Variants in HNF4G observed in about 807,000 individuals in gnomAD.
The protein encoded by HNF4G is hepatocyte nuclear factor 4-gamma.
HNF4G carries 21 observed loss-of-function variants against 50.9 expected under a neutral mutation model. The ratio of observed to expected loss-of-function variants is 0.41; its 90% CI spans 0.29 to 0.59. The LOEUF is 0.59. Ranked by LOEUF, HNF4G falls within the 20% of genes least tolerant of loss-of-function variation. The probability of loss-of-function intolerance (pLI) is 0.26; values close to 1 mark genes in which losing one functional copy is unlikely to be tolerated. For missense variants in HNF4G, 527 were observed against 559.4 expected, an observed-to-expected ratio of 0.94 and a Z score of 0.58; for synonymous variants, 198 against 185.6, an observed-to-expected ratio of 1.07 and a Z score of -0.54.
chr8:75,538,226 C>T (rs1033667232), upstream of HNF4G, among the ~76,000 whole-genome samples: 1 of 152,150 alleles, frequency 6.6e-6, no homozygotes, highest in Non-Finnish European at 1.5e-5. Flanking sequence ...TGATTAGTTG[C>T]TAATTGCTAC....
chr8:75,517,452 C>G (rs1197247576), intron 2 of HNF4G, among the ~76,000 whole-genome samples: 1 of 152,132 alleles, frequency 6.6e-6, no homozygotes, highest in Non-Finnish European at 1.5e-5. Flanking sequence ...TAGTTACTTC[C>G]AACATACGAT....
rs999315546 is a variant in HNF4G, at chr8:75,565,870, G to A, written c.*1774G>A. 1 of 152,072 alleles carries A rather than the reference G, an allele frequency of 6.6e-6. No homozygotes were observed. Among genetic ancestry groups the A allele is most frequent in the East Asian group, 1.9e-4 (1 of 5,172 alleles). The allele number at this position is 152,072 out of a possible 1,614,324, so 9.4% of individuals were successfully genotyped here. A position where few individuals can be genotyped will look rare whatever the true frequency, so the allele number is the denominator to read the frequency against. On this transcript the variant is annotated 3_prime_UTR_variant, in exon 10 of 10. Transcript: ENST00000396423. ...TTTAATAAAATTCCTTCACGACCTG[G>A]TACCCTTGTGAAACTGTAAAATATA...
At chr8:75,458,361 T>A (rs966197168) in intron 1 of HNF4G, among the ~76,000 whole-genome samples, 4 of 143,644 alleles carry the variant, frequency 2.8e-5, no homozygotes, top group East Asian at 2.0e-4. Flanking sequence ...TTATGTTTAA[T>A]GGTCTAACTT....
In HNF4G at chr8:75,558,868, G is replaced by A. The variant is rs146622279; in HGVS notation, c.954G>A (p.Glu318=). The A allele has an allele frequency of 1.2e-6, 2 of 1,614,108 alleles. No individual in the cohort carries two copies. Among genetic ancestry groups the A allele is most frequent in the Non-Finnish European group, 1.7e-6 (2 of 1,180,006 alleles). ...NMRFQVQIGL[E]DYINDRQYDS... ...GGTTCCAAGTGCAGATCGGTTTGGAGGACTACATCAATGATCGGCAGTATG... is the reference window on the plus strand; with the variant it reads ...GGTTCCAAGTGCAGATCGGTTTGGAAGACTACATCAATGATCGGCAGTATG... Residue 318 remains glutamate (E), a synonymous_variant, in exon 8 of 10, where the codon GAG becomes GAA. Coordinates refer to ENST00000396423, the MANE Select transcript of HNF4G (RefSeq NM_004133.5).
At chr8:75,531,469 C>G (rs1339096891) in intron 2 of HNF4G, among the ~76,000 whole-genome samples, 1 of 152,040 alleles carries the variant, frequency 6.6e-6, no homozygotes, top group Admixed American at 6.6e-5. Context: ...TTTCCACTAT[C>G]TAAGTATTTT....
At chr8:75,434,099 G>A (rs1811080861) in intron 1 of HNF4G, among the ~76,000 whole-genome samples, 1 of 150,178 alleles carries the variant, frequency 6.7e-6, no homozygotes, top group Non-Finnish European at 1.5e-5. Context: ...CGCTTCCCAG[G>A]TTCAAGTGAT....
intron 2 of HNF4G, among the ~76,000 whole-genome samples, chr8:75,530,516 G>C (rs186457342): frequency 8.6e-4 from 130 of 152,002 alleles, no homozygotes; most frequent in Non-Finnish European, 1.5e-3. Context: ...CTGACATTTA[G>C]GCAGAATTTC....
intron 2 of HNF4G, among the ~76,000 whole-genome samples, chr8:75,528,779 TAC>T (rs1388326198): frequency 1.6e-5 from 2 of 126,798 alleles, no homozygotes; most frequent in Non-Finnish European, 3.3e-5. Context: ...CCTAAACTTC[TAC>T]TTTTTTCATG....
chr8:75,435,654 C>T (rs1811117766), intron 1 of HNF4G, among the ~76,000 whole-genome samples: 1 of 152,174 alleles, frequency 6.6e-6, no homozygotes, highest in Non-Finnish European at 1.5e-5. Context: ...AGTGCAGTGG[C>T]ATGATCTGGG....
chr8:75,458,445 C>T (rs757112541), intron 1 of HNF4G, among the ~76,000 whole-genome samples: 1 of 144,766 alleles, frequency 6.9e-6, no homozygotes, highest in African/African-American at 2.6e-5. Flanking sequence ...GATAAAGACA[C>T]ACTCAGACTG....
At chr8:75,552,604 C>T (rs983459149) in intron 4 of HNF4G, among the ~76,000 whole-genome samples, 1 of 151,986 alleles carries the variant, frequency 6.6e-6, no homozygotes, top group Non-Finnish European at 1.5e-5. Context: ...ACTGGGTAAA[C>T]GTTATGAAAA....
intron 1 of HNF4G, among the ~76,000 whole-genome samples, chr8:75,424,100 C>CG (rs1351324132): frequency 1.3e-5 from 2 of 151,954 alleles, no homozygotes; most frequent in East Asian, 3.9e-4. Flanking sequence ...AGATTACAGG[C>CG]GTGAGCCACC....
At chr8:75,512,361 A>C (rs1282372231) in intron 2 of HNF4G, among the ~76,000 whole-genome samples, 1 of 151,444 alleles carries the variant, frequency 6.6e-6, no homozygotes, top group East Asian at 1.9e-4. Context: ...CAGTTTGCTA[A>C]GTTTTTATAG....
intron 2 of HNF4G, among the ~76,000 whole-genome samples, chr8:75,492,247 T>C (rs73690922): frequency 6.6e-6 from 1 of 152,188 alleles, no homozygotes; most frequent in Non-Finnish European, 1.5e-5. Context: ...TACTACCTAC[T>C]TGTTTCCTCC....
chr8:75,480,832 TC>T (rs1812360313), intron 1 of HNF4G, among the ~76,000 whole-genome samples: 1 of 150,628 alleles, frequency 6.6e-6, no homozygotes, highest in Admixed American at 6.7e-5. Context: ...TGCCTCAGCC[TC>T]CCGAGTAACC....
At chr8:75,497,037 G>T (rs1812787933) in intron 2 of HNF4G, among the ~76,000 whole-genome samples, 1 of 151,208 alleles carries the variant, frequency 6.6e-6, no homozygotes, top group Non-Finnish European at 1.5e-5. Flanking sequence ...TTGAGTAGGG[G>T]CTACAGCCCT....
chr8:75,547,638 T>C lies in HNF4G; in HGVS notation c.339T>C (p.Tyr113=), dbSNP rs781184547. 5.6e-6 allele frequency: 9 copies of C among 1,611,984 alleles called. No homozygotes were observed. The South Asian group carries it at 9.9e-5, about 18-fold the overall frequency. ...VDKDKRNQCR[Y]CRLRKCFRAG... ...AGGACAAAAGGAATCAATGTAGATA[T>C]TGTCGATTAAGAAAGTGTTTTAGAG... is the stretch of plus-strand genomic sequence containing the variant. The change falls in exon 3 of 10, where the codon TAT becomes TAC. Residue 113 remains tyrosine, a synonymous_variant. Transcript: ENST00000396423.
chr8:75,512,949 G>GT (rs949857838), intron 2 of HNF4G, among the ~76,000 whole-genome samples: 2 of 152,070 alleles, frequency 1.3e-5, no homozygotes, highest in African/African-American at 4.8e-5. Flanking sequence ...GAGTTTATGT[G>GT]TTTTTTGAAC....
intron 2 of HNF4G, chr8:75,495,257 T>C (rs1812738821): frequency 6.6e-6 from 1 of 152,214 alleles, no homozygotes; most frequent in Non-Finnish European, 1.5e-5. Context: ...AAAACTTTAA[T>C]ACAGGTGTAA....
Sources: allele counts gnomAD v4.1 joint callset (sites outside exome capture counted in the v4.1 genomes callset), GRCh38; gene constraint gnomAD v4.1.1; transcripts MANE v1.5; gene names NCBI Gene and HGNC (gene_info 2026-07-23, HGNC 2026-07-21).